The following RNF157 variants were observed in gnomAD, a reference collection of about 807,000 sequenced individuals.
RNF157 encodes ring finger protein 157.
A neutral mutation model predicts 88.3 loss-of-function variants in RNF157; 55 were observed. The observed-to-expected ratio is 0.62, with a 90% confidence interval of 0.50 to 0.78. The LOEUF (loss-of-function observed/expected upper bound fraction) is 0.78. Among genes scored for constraint, RNF157 ranks in the 30% least tolerant of loss-of-function variants. RNF157 has a pLI of 0.00. For missense variants in RNF157, 788 were observed against 860.8 expected (o/e 0.92, Z 1.06); for synonymous variants, 334 against 341.2 (o/e 0.98, Z 0.23).
chr17:76,184,309 C>T (rs1175784783), intron 2 of RNF157, among the ~76,000 whole-genome samples: 1 of 151,444 alleles, frequency 6.6e-6, no homozygotes, highest in Admixed American at 6.6e-5. Flanking sequence ...ATATCAAAAA[C>T]TCATTCATGG....
At chr17:76,226,083 G>C in intron 1 of RNF157, 2 of 1,601,880 alleles carry the variant, frequency 1.2e-6, no homozygotes, top group Non-Finnish European at 1.7e-6. Flanking sequence ...CTCCTATTTG[G>C]AGAGCCCCTG....
intron 13 of RNF157, chr17:76,156,610 T>C (rs1252501562): frequency 3.8e-6 from 3 of 792,080 alleles, no homozygotes; most frequent in East Asian, 2.5e-4. Context: ...CAGGTCACCC[T>C]GCAGCTGTGA....
intron 2 of RNF157, among the ~76,000 whole-genome samples, chr17:76,196,935 A>G (rs899118684): frequency 2.0e-5 from 3 of 152,082 alleles, no homozygotes; most frequent in African/African-American, 7.2e-5. Context: ...CCAAGACCGC[A>G]CTCATGTTTG....
chr17:76,229,898 G>A (rs535319326), intron 1 of RNF157, among the ~76,000 whole-genome samples: 5 of 152,308 alleles, frequency 3.3e-5, no homozygotes, highest in Admixed American at 2.6e-4. Flanking sequence ...GACAAAGAAA[G>A]GCTGGGGTTG....
At position 76,212,476 on chromosome 17, in the gene RNF157, T is replaced by C. The variant is rs375914656; in HGVS notation, c.95A>G (p.Tyr32Cys). Residue 32 changes from tyrosine (Y) to cysteine (C), a missense_variant, in exon 2 of 19, where the codon TAT (tyrosine) becomes TGT (cysteine). Physicochemically the swap from Tyr to Cys is radical, Grantham distance 194 (BLOSUM62 -2). Coordinates refer to ENST00000269391, the MANE Select transcript of RNF157 (RefSeq NM_052916.3). ...TCCCATAATGAAGTGGCTGGCAAAA[T>C]AGCTTCCTAGAGAGGAACAAACAAA... ...VYRYPPKSGS[Y>C]FASHFIMGGE... The C allele has an allele frequency of 6.2e-7, 1 of 1,600,910 alleles. No homozygotes were observed. The highest frequency in any genetic ancestry group is 8.6e-7 in the Non-Finnish European group (1 of 1,168,758).
In RNF157 at chr17:76,161,966, A is replaced by G; in HGVS notation, c.829T>C (p.Cys277Arg). 1.2e-6 allele frequency: 2 copies of G among 1,614,124 alleles called. No homozygotes were observed. The highest frequency in any genetic ancestry group is 1.7e-6 in the Non-Finnish European group (2 of 1,180,030). ...CGGACATCCGAGAGACACACCACACACTCGGCACTGTTATCACTCACTTCG... is the reference window on the plus strand; with the variant it reads ...CGGACATCCGAGAGACACACCACACGCTCGGCACTGTTATCACTCACTTCG... ...EDEVSDNSAECVVCLSDVRDT... is the reference protein window; with the variant it reads ...EDEVSDNSAERVVCLSDVRDT... Residue 277 changes from cysteine (C) to arginine (R), a missense_variant, in exon 10 of 19, where the codon TGT (cysteine) becomes CGT (arginine). Cys to Arg is a radical substitution (Grantham distance 180). Transcript: ENST00000269391. The surrounding 1 kb of genome is among the most constrained non-coding windows in gnomAD (Gnocchi z 4.6).
intron 2 of RNF157, among the ~76,000 whole-genome samples, chr17:76,207,648 C>T (rs768440333): frequency 1.3e-5 from 2 of 152,158 alleles, no homozygotes; most frequent in Non-Finnish European, 2.9e-5. Flanking sequence ...TCGTTCTTGC[C>T]GCATGCTGCT....
At chr17:76,181,315 T>A (rs933559662) in intron 2 of RNF157, among the ~76,000 whole-genome samples, 2 of 152,218 alleles carry the variant, frequency 1.3e-5, no homozygotes, top group Non-Finnish European at 2.9e-5. Flanking sequence ...TATGCTTAGA[T>A]GGCAGTATGT....
chr17:76,232,523 T>C (rs954956885), intron 1 of RNF157, among the ~76,000 whole-genome samples: 1 of 152,268 alleles, frequency 6.6e-6, no homozygotes, highest in Non-Finnish European at 1.5e-5. Flanking sequence ...TTATTTCCAG[T>C]TTCTTGGCTA....
At chr17:76,220,699 C>T (rs988836299) in intron 1 of RNF157, among the ~76,000 whole-genome samples, 1 of 151,944 alleles carries the variant, frequency 6.6e-6, no homozygotes, top group Non-Finnish European at 1.5e-5. Context: ...GTGGCTCACG[C>T]CTGTAATCCC....
chr17:76,160,370 T>C lies in RNF157; in HGVS notation c.1066-797A>G, dbSNP rs1042083545. On this transcript the variant is annotated intron_variant, in intron 11 of 18. Transcript: ENST00000269391. This position sits in a 1 kb window ranked among gnomAD's most constrained non-coding sequence, Gnocchi z 4.3. ...GGCCTTGATATATACTGCTGTTTTC[T>C]GCTGTTTTTTTTTTCAGTGCCTTTT... Among the ~76,000 whole-genome samples the C allele has an allele frequency of 5.8e-5, 8 of 137,980 alleles. No homozygotes were observed. Among genetic ancestry groups the C allele is most frequent in the Non-Finnish European group, 3.1e-5 (2 of 64,654 alleles). The allele number at this position is 137,980 out of a possible 152,430, so 90.5% of individuals were successfully genotyped here.
intron 2 of RNF157, 120 bp from the exon 3 acceptor site, chr17:76,173,910 AT>A (rs779968677): frequency 2.0e-5 from 15 of 769,028 alleles, no homozygotes; most frequent in Non-Finnish European, 3.2e-5. Context: ...AACTCTCCTA[AT>A]TAAGTGAGGA....
At chr17:76,156,449 C>CA in intron 13 of RNF157, 128 bp from the exon 14 acceptor site, 1 of 1,480,882 alleles carries the variant, frequency 6.8e-7, no homozygotes, top group Non-Finnish European at 8.9e-7. Flanking sequence ...GACTGAGTGG[C>CA]ATGCAGAGGC....
At chr17:76,185,712 G>A (rs1010698081) in intron 2 of RNF157, among the ~76,000 whole-genome samples, 31 of 151,898 alleles carry the variant, frequency 2.0e-4, no homozygotes, top group African/African-American at 7.3e-4. Context: ...CTCGTGATCC[G>A]CCCGCCTCGG....
At chr17:76,167,214 T>C (rs1057212390) in intron 4 of RNF157, 88 bp from the exon 5 acceptor site, 2 of 920,782 alleles carry the variant, frequency 2.2e-6, no homozygotes, top group African/African-American at 3.3e-5. Context: ...TGTTCTCAAT[T>C]ATCAACAGGG....
Position 76,210,588 on chromosome 17 carries a change from CAAAA to C in RNF157, c.207+1772_207+1775del, listed in dbSNP as rs71161274. 1.8e-3 allele frequency among the ~76,000 whole-genome samples: 96 copies of C among 53,532 alleles called. 3 individuals carry two copies. In the South Asian group the frequency reaches 0.062, roughly 35 times the overall value. 35.1% of individuals were successfully genotyped at this position (53,532 alleles called of 152,430 possible). A position where few individuals can be genotyped will look rare whatever the true frequency, so the allele number is the denominator to read the frequency against. On this transcript the variant is annotated intron_variant, in intron 2 of 18. Coordinates refer to ENST00000269391, the MANE Select transcript of RNF157 (RefSeq NM_052916.3). ...CTGGGCGACAGAGCCAGACTCCGTC[CAAAA>C]AAAAAAAAAAAAGAAAGAAAGAAAG... is the stretch of plus-strand genomic sequence containing the variant.
rs756705130 is a variant in RNF157 at position 76,240,253 on chromosome 17, T to G, written c.-13A>C. ...TCAGGGCCCCCATGGCCGCTGCGGC[T>G]GCAGCCCCGGCCCGGCCCCGGTGCC... On this transcript the variant is annotated 5_prime_UTR_variant, in exon 1 of 19. Transcript: ENST00000269391. The surrounding 1 kb of genome is among the most constrained non-coding windows in gnomAD (Gnocchi z 4.4). 1.6e-6 allele frequency: 2 copies of G among 1,236,876 alleles called. No homozygotes were observed. The highest frequency in any genetic ancestry group is 3.5e-5 in the Admixed American group (1 of 28,482). The allele number at this position is 1,236,876 out of a possible 1,614,324, so 76.6% of individuals were successfully genotyped here. A position where few individuals can be genotyped will look rare whatever the true frequency, so the allele number is the denominator to read the frequency against.
At chr17:76,203,892 T>C (rs960792195) in intron 2 of RNF157, among the ~76,000 whole-genome samples, 2 of 151,214 alleles carry the variant, frequency 1.3e-5, no homozygotes, top group East Asian at 1.9e-4. Context: ...CTCAGCCTCC[T>C]GAGTAGCTGG....
chr17:76,179,585 A>T (rs9915751), intron 2 of RNF157, among the ~76,000 whole-genome samples: 15,373 of 151,918 alleles, frequency 0.1, 973 homozygotes, highest in African/African-American at 0.17. Context: ...CCCAGCTACT[A>T]GGGAGGCTGA....
Sources: allele counts gnomAD v4.1 joint callset (sites outside exome capture counted in the v4.1 genomes callset), GRCh38; gene constraint gnomAD v4.1.1; non-coding constraint Gnocchi (gnomAD v3.1); transcripts MANE v1.5; gene names NCBI Gene and HGNC (gene_info 2026-07-23, HGNC 2026-07-21).